The following TPX2 variants were observed in gnomAD, a reference collection of about 807,000 sequenced individuals.
The protein encoded by TPX2 is targeting protein for Xklp2.
TPX2 carries 21 observed loss-of-function variants against 93.6 expected under a neutral mutation model. The ratio of observed to expected loss-of-function variants is 0.22; its 90% CI spans 0.16 to 0.32. The LOEUF is 0.32. Among genes scored for constraint, TPX2 ranks in the 10% least tolerant of loss-of-function variants. The pLI, the probability that TPX2 is intolerant of heterozygous loss-of-function variation, is 1.00. For missense variants in TPX2, 776 were observed against 871.1 expected (o/e 0.89, Z 1.37); for synonymous variants, 281 against 298.3 (o/e 0.94, Z 0.60).
chr20:31,782,485 G>A (rs1296372801), intron 11 of TPX2, 95 bp downstream of exon 11: 20 of 1,487,588 alleles, frequency 1.3e-5, no homozygotes, highest in African/African-American at 5.6e-5. Context: ...TTTTCTTTCC[G>A]TAAAAATTTA....
At chr20:31,775,765 C>T in intron 7 of TPX2, 102 bp from the exon 8 acceptor site, 2 of 1,221,846 alleles carry the variant, frequency 1.6e-6, no homozygotes, top group African/African-American at 1.6e-5. Context: ...TGATGATTAT[C>T]TTATCACAGG....
At position 31,800,958 on chromosome 20, in the gene TPX2, C is replaced by T; in HGVS notation, c.2134-12C>T. On this transcript the variant is annotated splice_polypyrimidine_tract_variant and intron_variant, in intron 17 of 17. Transcript: ENST00000300403. The stretch of plus-strand genomic sequence containing the variant: ...ACATCCCTCTCACTGGTAACTTTTC[C>T]TTACTTTGCAGGTGCATAAGGCAAA... 1 of 1,610,496 alleles carries T rather than the reference C, an allele frequency of 6.2e-7. No individual in the cohort carries two copies. The highest frequency in any genetic ancestry group is 1.1e-5 in the South Asian group (1 of 90,938).
At chr20:31,762,145 G>A (rs768287339) in intron 4 of TPX2, among the ~76,000 whole-genome samples, 2 of 152,114 alleles carry the variant, frequency 1.3e-5, no homozygotes, top group Non-Finnish European at 2.9e-5. Flanking sequence ...CTTCTTGAAT[G>A]AATAGTTAGC....
At chr20:31,766,753 C>T in intron 5 of TPX2, 71 bp downstream of exon 5, 2 of 1,184,536 alleles carry the variant, frequency 1.7e-6, no homozygotes, top group Non-Finnish European at 2.4e-6. Flanking sequence ...GACAGAACAT[C>T]TATTATGTGT....
chr20:31,743,557 G>A (rs968069035), intron 2 of TPX2, among the ~76,000 whole-genome samples: 2 of 151,888 alleles, frequency 1.3e-5, no homozygotes, highest in Non-Finnish European at 2.9e-5. Context: ...TTAACCGGGC[G>A]TGGTGGCACC....
At chr20:31,769,621 G>A (rs1238767222) in intron 5 of TPX2, among the ~76,000 whole-genome samples, 13 of 152,110 alleles carry the variant, frequency 8.5e-5, no homozygotes, top group African/African-American at 2.4e-5. Context: ...ACCGCGCCCA[G>A]CCTATCTAAT....
At chr20:31,772,476 G>T (rs1233415751) in intron 7 of TPX2, among the ~76,000 whole-genome samples, 1 of 152,150 alleles carries the variant, frequency 6.6e-6, no homozygotes, top group Non-Finnish European at 1.5e-5. Context: ...CTCAGATCTT[G>T]AACAGTCAGA....
At chr20:31,787,402 A>G (rs1302798880) in intron 12 of TPX2, among the ~76,000 whole-genome samples, 2 of 151,954 alleles carry the variant, frequency 1.3e-5, no homozygotes, top group Non-Finnish European at 2.9e-5. Context: ...CTAGAGAAGC[A>G]TAGCATAGGA....
At chr20:31,760,328 C>A in intron 4 of TPX2, 149 bp downstream of exon 4, 2 of 1,070,112 alleles carry the variant, frequency 1.9e-6, no homozygotes, top group Non-Finnish European at 2.6e-6. Flanking sequence ...AAATGTAAAA[C>A]TAATGATGTG....
intron 7 of TPX2, 86 bp from the exon 8 acceptor site, chr20:31,775,781 A>G (rs960397957): frequency 6.2e-6 from 8 of 1,291,714 alleles, no homozygotes; most frequent in Non-Finnish European, 8.0e-6. Flanking sequence ...ACAGGTTAAA[A>G]ATATTATATA....
intron 10 of TPX2, chr20:31,781,061 A>G (rs960000366): frequency 1.6e-5 from 4 of 246,942 alleles, no homozygotes; most frequent in Non-Finnish European, 2.4e-5. Flanking sequence ...TTGGGACTAT[A>G]TATAGGTGCA....
At chr20:31,750,197 G>T (rs2061810259) in intron 2 of TPX2, among the ~76,000 whole-genome samples, 2 of 148,042 alleles carry the variant, frequency 1.4e-5, no homozygotes, top group Non-Finnish European at 3.0e-5. Context: ...CGCTCTTGTT[G>T]CCCCGGCTGG....
At chr20:31,777,168 C>T (rs1390536359) in intron 8 of TPX2, among the ~76,000 whole-genome samples, 2 of 152,160 alleles carry the variant, frequency 1.3e-5, no homozygotes, top group African/African-American at 4.8e-5. Context: ...CAATCCATAG[C>T]TTTTCTTATC....
rs2062169756 is a variant in TPX2, at chr20:31,801,191, T to G, written c.*111T>G. 1 of 902,690 alleles carries G rather than the reference T, an allele frequency of 1.1e-6. No individual in the cohort carries two copies. Among genetic ancestry groups the G allele is most frequent in the Non-Finnish European group, 1.8e-6 (1 of 569,098 alleles). The allele number at this position is 902,690 out of a possible 1,614,324, so 55.9% of individuals were successfully genotyped here. ...ATGGAGAGAACCCATTTCTCCAGAC[T>G]TTTACCTACCCGTGCCTGAGAAAGC... On this transcript the variant is annotated 3_prime_UTR_variant, in exon 18 of 18. Transcript: ENST00000300403.
At chr20:31,789,770 C>T (rs1240919838) in intron 12 of TPX2, among the ~76,000 whole-genome samples, 1 of 152,020 alleles carries the variant, frequency 6.6e-6, no homozygotes, top group East Asian at 1.9e-4. Flanking sequence ...TTTCCTCTCC[C>T]CCAACTAATT....
chr20:31,766,795 CTTTTTTTTT>C (rs11299452), intron 5 of TPX2, 113 bp downstream of exon 5: 8 of 450,562 alleles, frequency 1.8e-5, no homozygotes, highest in Middle Eastern at 7.6e-4. Flanking sequence ...CTTTATGTTA[CTTTTTTTTT>C]TTTTTTTTTT....
Position 31,775,976 on chromosome 20 carries a change from C to A in TPX2, c.718C>A (p.Leu240Met). The change falls in exon 8 of 18, where the codon CTG (leucine) becomes ATG (methionine). Residue 240 changes from leucine (L) to methionine (M), a missense_variant. Leu to Met is a conservative substitution (Grantham distance 15). Around this residue, in one of 3 missense-constraint regions of TPX2, gnomAD observed 279 missense variants for 261.6 expected, o/e 1.07. Transcript: ENST00000300403. ...GAATGAAGAATTCAAGAAACTTGCT[C>A]TGGCTGGAATAGGTGAGCTTGGCTG... ...KKNEEFKKLALAGIGQPVKKS... is the reference protein window; with the variant it reads ...KKNEEFKKLAMAGIGQPVKKS... 1 of 1,511,150 alleles carries A rather than the reference C, an allele frequency of 6.6e-7. No homozygotes were observed. Among genetic ancestry groups the A allele is most frequent in the East Asian group, 3.0e-5 (1 of 33,494 alleles). 93.6% of individuals were successfully genotyped at this position (1,511,150 alleles called of 1,614,324 possible).
intron 13 of TPX2, among the ~76,000 whole-genome samples, 153 bp downstream of exon 13, chr20:31,792,983 G>A (rs908079369): frequency 2.0e-5 from 3 of 151,540 alleles, no homozygotes; most frequent in Admixed American, 6.6e-5. Flanking sequence ...CATTTTTTTT[G>A]TTCCTCCAAG....
chr20:31,769,727 AGT>A (rs1209964041), intron 5 of TPX2, among the ~76,000 whole-genome samples: 2 of 152,020 alleles, frequency 1.3e-5, no homozygotes, highest in African/African-American at 2.4e-5. Context: ...TAGTCATTTA[AGT>A]ATTTTTGTTT....
Sources: gnomAD v4.1 joint callset for allele counts (sites outside exome capture counted in the v4.1 genomes callset) on GRCh38, gnomAD v4.1.1 for gene constraint, gnomAD v4.1.1 regional missense constraint, MANE v1.5 for transcripts, NCBI Gene and HGNC (gene_info 2026-07-23, HGNC 2026-07-21) for gene names.